FRMPD3: variants seen among roughly 807,000 people sequenced by gnomAD.
FRMPD3 encodes FERM and PDZ domain containing 3.
Under a neutral mutation model 97.9 loss-of-function variants are expected in FRMPD3, and 42 were observed. That is an observed-to-expected ratio of 0.43 (90% CI 0.34 to 0.55). The LOEUF (loss-of-function observed/expected upper bound fraction) is 0.55. Among genes scored for constraint, FRMPD3 ranks in the 20% least tolerant of loss-of-function variants. The pLI is 0.03. For missense variants in FRMPD3, 1,303 were observed against 1,457.7 expected (o/e 0.89, Z 1.73); for synonymous variants, 577 against 581.1 (o/e 0.99, Z 0.10).
intron 1 of FRMPD3, among the ~76,000 whole-genome samples, chrX:107,486,368 A>G (rs1278345655): frequency 2.7e-5 from 3 of 112,806 alleles, no homozygotes; most frequent in African/African-American, 9.7e-5. Context: ...TGCTTTGCCA[A>G]GATCCCTGAA....
rs762558163 is a variant in FRMPD3 at position 107,597,507 on chromosome X, G to T, written c.1628G>T (p.Arg543Leu). Residue 543 changes from arginine (R) to leucine (L), a missense_variant, in exon 14 of 15, where the codon CGG becomes CTG. By Grantham distance (102) the Arg-to-Leu change is moderately radical. This residue lies in a region of FRMPD3 where 535 missense variants were observed against 618.6 expected (regional missense o/e 0.86). Coordinates refer to ENST00000683843, the MANE Select transcript of FRMPD3 (RefSeq NM_001388459.1). ...MREQRKEQES[R>L]TDVNENLIFF... ...GAACAAAGGAAGGAGCAGGAAAGCC[G>T]GACAGATGTCAACGAGAACCTAATC... 2 of 1,209,006 alleles carry T rather than the reference G, an allele frequency of 1.7e-6. No individual in the cohort carries two copies. The highest frequency in any genetic ancestry group is 2.2e-6 in the Non-Finnish European group (2 of 895,184).
intron 3 of FRMPD3, among the ~76,000 whole-genome samples, chrX:107,532,500 G>A (rs996312813): frequency 8.9e-6 from 1 of 112,496 alleles, no homozygotes; most frequent in African/African-American, 3.2e-5. Context: ...GCAAGGGGCT[G>A]GAGGAGACGA....
intron 4 of FRMPD3, 87 bp downstream of exon 4, chrX:107,533,637 G>C: frequency 1.1e-6 from 1 of 869,595 alleles, no homozygotes; most frequent in Non-Finnish European, 1.7e-6. Context: ...GATGGGGTTG[G>C]GGGTTCAGAG....
Position 107,560,302 on chromosome X carries a change from C to G in FRMPD3, c.808C>G (p.Pro270Ala), listed in dbSNP as rs1348843873. 2.5e-6 allele frequency: 3 copies of G among 1,209,122 alleles called. No homozygotes were observed. Among genetic ancestry groups the G allele is most frequent in the Non-Finnish European group, 3.4e-6 (3 of 894,775 alleles). The change falls in exon 9 of 15, where the codon CCA (proline) becomes GCA (alanine). Residue 270 changes from proline to alanine, a missense_variant. Coordinates refer to ENST00000683843, the MANE Select transcript of FRMPD3 (RefSeq NM_001388459.1). ...AGAACGCTTTGGAATGGATCCCAAG[C>G]CAGAGATGCTTTTGGGCCTTGCTGC... is the stretch of plus-strand genomic sequence containing the variant. The part of the protein sequence containing the change: ...IRERFGMDPK[P>A]EMLLGLAALH...
intron 1 of FRMPD3, among the ~76,000 whole-genome samples, chrX:107,494,033 G>A (rs780948843): frequency 9.0e-6 from 1 of 111,026 alleles, no homozygotes; most frequent in African/African-American, 3.3e-5. Flanking sequence ...CGTTCAGAGT[G>A]CAGGCAGAAG....
intron 1 of FRMPD3, among the ~76,000 whole-genome samples, chrX:107,471,147 G>T (rs1033459429): frequency 1.8e-5 from 2 of 111,897 alleles, no homozygotes; most frequent in African/African-American, 3.2e-5. Context: ...TTTTAGCTTC[G>T]CACAAGGGGC....
rs192796532 is a variant in FRMPD3, at chrX:107,502,545, C to T, written c.-7-24037C>T. On this transcript the variant is annotated intron_variant, in intron 1 of 14. Transcript: ENST00000683843. ...CTACGGAGCCAGTCCCCTCCCGATC[C>T]TCCACCCCTGCTGCCTACTTTGCCT... Among the ~76,000 whole-genome samples, 300 of 111,370 alleles carry T rather than the reference C, an allele frequency of 2.7e-3. 2 individuals carry two copies. The highest frequency in any genetic ancestry group is 9.6e-3 in the African/African-American group (293 of 30,572).
chrX:107,576,597 C>G, intron 13 of FRMPD3, 138 bp downstream of exon 13: 1 of 645,557 alleles, frequency 1.5e-6, no homozygotes, highest in Non-Finnish European at 2.3e-6. Flanking sequence ...CACTGTACCA[C>G]TATATCCTAG....
At chrX:107,592,066 T>C (rs954601371) in intron 13 of FRMPD3, among the ~76,000 whole-genome samples, 1 of 85,890 alleles carries the variant, frequency 1.2e-5, no homozygotes, top group African/African-American at 1.2e-4. Flanking sequence ...CAGTGTGTAA[T>C]CATCTTTTAT....
chrX:107,569,717 T>C (rs900505621), intron 12 of FRMPD3, among the ~76,000 whole-genome samples: 4 of 112,259 alleles, frequency 3.6e-5, no homozygotes, highest in Admixed American at 9.4e-5. Context: ...AAATTACTAC[T>C]TGAAAGAACT....
intron 1 of FRMPD3, among the ~76,000 whole-genome samples, chrX:107,455,706 A>G (rs1931365675): frequency 8.9e-6 from 1 of 112,048 alleles, no homozygotes; most frequent in Non-Finnish European, 1.9e-5. Context: ...GTTGATTCAT[A>G]TTAGACAGGG....
intron 1 of FRMPD3, among the ~76,000 whole-genome samples, chrX:107,517,991 A>G (rs1313279438): frequency 3.6e-5 from 4 of 110,719 alleles, no homozygotes; most frequent in Non-Finnish European, 7.6e-5. Context: ...AATTGAGTTC[A>G]TCGAGGGATG....
intron 1 of FRMPD3, among the ~76,000 whole-genome samples, chrX:107,515,457 A>T (rs1922288446): frequency 9.0e-6 from 1 of 111,499 alleles, no homozygotes; most frequent in Non-Finnish European, 1.9e-5. Context: ...TGCGGACCTT[A>T]ACAAGAGCAA....
chrX:107,468,467 G>A (rs1395409286), intron 1 of FRMPD3, among the ~76,000 whole-genome samples: 2 of 112,070 alleles, frequency 1.8e-5, no homozygotes, highest in African/African-American at 3.2e-5. Context: ...ATAGGGACAC[G>A]TGTTTAAAAG....
intron 1 of FRMPD3, among the ~76,000 whole-genome samples, chrX:107,517,759 GAAA>G (rs1322646104): frequency 5.1e-4 from 37 of 73,151 alleles, no homozygotes; most frequent in South Asian, 1.6e-3. Context: ...GAAACTCTGG[GAAA>G]AAAAAAAAAA....
chrX:107,547,041 T>G lies in FRMPD3; in HGVS notation c.402+1200T>G, dbSNP rs183133446. Among the ~76,000 whole-genome samples, 3 of 111,571 alleles carry G rather than the reference T, an allele frequency of 2.7e-5. No individual in the cohort carries two copies. In the East Asian group the frequency reaches 8.5e-4, roughly 32 times the overall value. ...GACTACAGGACCCCACTGGGCAAGC[T>G]GTCTGAATAATTGATGGTTGGGATC... On this transcript the variant is annotated intron_variant, in intron 5 of 14. Coordinates refer to ENST00000683843, the MANE Select transcript of FRMPD3 (RefSeq NM_001388459.1).
intron 2 of FRMPD3, among the ~76,000 whole-genome samples, 176 bp from the exon 3 acceptor site, chrX:107,530,233 G>A (rs12006689): frequency 0.11 from 12,042 of 111,683 alleles, 1,381 homozygotes; most frequent in African/African-American, 0.34. Context: ...CAGCAGCAGC[G>A]GCAGCAACAG....
At chrX:107,502,978 C>G (rs762889984) in intron 1 of FRMPD3, among the ~76,000 whole-genome samples, 1 of 111,012 alleles carries the variant, frequency 9.0e-6, no homozygotes, top group African/African-American at 3.3e-5. Context: ...AAGATTTGAA[C>G]AAGTGGGATG....
intron 1 of FRMPD3, among the ~76,000 whole-genome samples, chrX:107,489,765 A>C (rs1305110112): frequency 9.0e-6 from 1 of 111,365 alleles, no homozygotes. Flanking sequence ...AGGTTGCATA[A>C]ATTTTCTCCC....
Sources: allele counts gnomAD v4.1 joint callset (sites outside exome capture counted in the v4.1 genomes callset), GRCh38; gene constraint gnomAD v4.1.1; regional missense constraint gnomAD v4.1.1; transcripts MANE v1.5; gene names NCBI Gene and HGNC (gene_info 2026-07-23, HGNC 2026-07-21).